Variants in NUP133 observed in about 807,000 individuals in gnomAD.
NUP133 encodes the protein nuclear pore complex protein Nup133.
Under a neutral mutation model 146.2 loss-of-function variants are expected in NUP133, and 66 were observed. That is an observed-to-expected ratio of 0.45 (90% CI 0.37 to 0.55). NUP133 has a LOEUF of 0.55. NUP133 is among the 20% of genes least tolerant of loss of function. The probability of loss-of-function intolerance (pLI) is 0.00; values close to 1 mark genes in which losing one functional copy is unlikely to be tolerated. For synonymous variants in NUP133, 521 were observed against 498.8 expected, an observed-to-expected ratio of 1.04 and a Z score of -0.59; for missense variants, 1,277 against 1,374.8, an observed-to-expected ratio of 0.93 and a Z score of 1.12.
At chr1:229,485,374 CT>C (rs1661322915) in intron 11 of NUP133, among the ~76,000 whole-genome samples, 1 of 152,100 alleles carries the variant, frequency 6.6e-6, no homozygotes, top group South Asian at 2.1e-4. Flanking sequence ...GGAGACTTGA[CT>C]TTGGGAAAAA....
rs960170005 is a variant in NUP133, at chr1:229,440,558, G to T, written c.*1346C>A. On this transcript the variant is annotated 3_prime_UTR_variant, in exon 26 of 26. Transcript: ENST00000261396. ...TGTGTCTCGCAGCACATTATCACCC[G>T]ACAGGGTCCTACAGGTGAGACGTGA... The T allele has an allele frequency of 6.6e-6, 1 of 152,392 alleles. No individual in the cohort carries two copies. Among genetic ancestry groups the T allele is most frequent in the Non-Finnish European group, 1.5e-5 (1 of 68,102 alleles). 9.4% of individuals were successfully genotyped at this position (152,392 alleles called of 1,614,324 possible). A position where few individuals can be genotyped will look rare whatever the true frequency, so the allele number is the denominator to read the frequency against.
intron 15 of NUP133, among the ~76,000 whole-genome samples, chr1:229,467,038 G>T (rs149060957): frequency 2.0e-5 from 3 of 152,144 alleles, no homozygotes; most frequent in African/African-American, 7.2e-5. Flanking sequence ...TCTGCTCAGT[G>T]CATCTTTAAA....
At position 229,477,668 on chromosome 1, in the gene NUP133, G is replaced by C; in HGVS notation, c.1685C>G (p.Thr562Ser). The C allele has an allele frequency of 4.3e-6, 7 of 1,614,048 alleles. No homozygotes were observed. The highest frequency in any genetic ancestry group is 5.9e-6 in the Non-Finnish European group (7 of 1,179,990). Residue 562 changes from threonine (T) to serine (S), a missense_variant, in exon 13 of 26, where the codon ACC (threonine) becomes AGC (serine). Physicochemically the swap from Thr to Ser is moderately conservative, Grantham distance 58. This residue lies in a region of NUP133 where 952 missense variants were observed against 1,047.0 expected (regional missense o/e 0.91). Transcript: ENST00000261396. ...DSDSELDRAV[T>S]QISVDLMDDY... The stretch of plus-strand genomic sequence containing the variant: ...ATCCATCAGGTCTACACTGATTTGG[G>C]TAACTGCCCTGTCTAGTTCAGAATC...
chr1:229,491,486 T>C (rs1661513580), intron 8 of NUP133, among the ~76,000 whole-genome samples: 1 of 151,920 alleles, frequency 6.6e-6, no homozygotes, highest in African/African-American at 2.4e-5. Flanking sequence ...ATCTCTAAAA[T>C]AAATTTAAAA....
Position 229,463,615 on chromosome 1 carries a change from T to C in NUP133, c.2613A>G (p.Ile871Met), listed in dbSNP as rs138312761. The change falls in exon 19 of 26, where the codon ATA (isoleucine) becomes ATG (methionine). Residue 871 changes from isoleucine to methionine, a missense_variant. Ile to Met is a conservative substitution (Grantham distance 10). Transcript: ENST00000261396. ...SLAEKYCDFD[I>M]LVQMCEQTDN... ...CAGTCTGCTCACACATTTGTACCAA[T>C]ATATCAAAGTCACAGTATTTCTCTG... The C allele has an allele frequency of 8.7e-6, 14 of 1,613,954 alleles. No homozygotes were observed. Among genetic ancestry groups the C allele is most frequent in the South Asian group, 5.5e-5 (5 of 91,062 alleles).
chr1:229,507,280 A>T (rs1330469460), intron 1 of NUP133, among the ~76,000 whole-genome samples: 1 of 152,242 alleles, frequency 6.6e-6, no homozygotes, highest in Non-Finnish European at 1.5e-5. Flanking sequence ...TAAAGTACTG[A>T]AAAATTTTAC....
chr1:229,489,827 G>A, intron 9 of NUP133, 128 bp downstream of exon 9: 1 of 747,286 alleles, frequency 1.3e-6, no homozygotes, highest in Non-Finnish European at 2.0e-6. Flanking sequence ...AGTGAGCTGA[G>A]ATCAAGCCAC....
chr1:229,491,548 G>A (rs556796843), intron 8 of NUP133, among the ~76,000 whole-genome samples: 3 of 152,286 alleles, frequency 2.0e-5, no homozygotes, highest in African/African-American at 7.2e-5. Context: ...GGAGGCCGAG[G>A]TGGGCATATC....
chr1:229,495,567 T>C lies in NUP133; in HGVS notation c.976-2A>G, dbSNP rs1360538190. Reference sequence around the variant, plus strand: ...AGCTTCATAGTTACTTTCAGATCCCTACATGAAAATATCAATAATGTAAGC... The same window carrying C: ...AGCTTCATAGTTACTTTCAGATCCCCACATGAAAATATCAATAATGTAAGC... On this transcript the variant is annotated splice_acceptor_variant, in intron 7 of 25. Coordinates refer to ENST00000261396, the MANE Select transcript of NUP133 (RefSeq NM_018230.3). LOFTEE classifies it high-confidence loss of function. 6.3e-7 allele frequency: 1 copy of C among 1,588,306 alleles called. No individual in the cohort carries two copies. Among genetic ancestry groups the C allele is most frequent in the Admixed American group, 1.7e-5 (1 of 59,894 alleles).
At chr1:229,482,028 C>A (rs1223685389) in intron 12 of NUP133, among the ~76,000 whole-genome samples, 2 of 152,176 alleles carry the variant, frequency 1.3e-5, no homozygotes, top group African/African-American at 4.8e-5. Flanking sequence ...ACAAATGTGA[C>A]AGAATTTTAA....
intron 2 of NUP133, among the ~76,000 whole-genome samples, chr1:229,503,205 G>A: frequency 6.6e-6 from 1 of 152,040 alleles, no homozygotes; most frequent in South Asian, 2.1e-4. Context: ...TTGAACCTGG[G>A]AGGCAGAGGT....
At position 229,478,313 on chromosome 1, in the gene NUP133, G is replaced by A. The variant is rs144030484; in HGVS notation, c.1593-553C>T. Among the ~76,000 whole-genome samples, 7 of 151,952 alleles carry A rather than the reference G, an allele frequency of 4.6e-5. No homozygotes were observed. In the East Asian group the frequency reaches 7.7e-4, roughly 17 times the overall value. Reference sequence around the variant, plus strand: ...CACATTGAATACTTAGAACATGCTCGGCTCTGGACACAGAAAGATAAAAAG... The same window carrying A: ...CACATTGAATACTTAGAACATGCTCAGCTCTGGACACAGAAAGATAAAAAG... On this transcript the variant is annotated intron_variant, in intron 12 of 25. Coordinates refer to ENST00000261396, the MANE Select transcript of NUP133 (RefSeq NM_018230.3).
intron 8 of NUP133, among the ~76,000 whole-genome samples, chr1:229,492,899 C>T (rs1187666887): frequency 1.3e-5 from 2 of 151,314 alleles, no homozygotes; most frequent in Non-Finnish European, 2.9e-5. Flanking sequence ...ACCTGTACCC[C>T]AAAAACCATT....
intron 17 of NUP133, 27 bp downstream of exon 17, chr1:229,465,393 A>G: frequency 1.3e-6 from 2 of 1,487,120 alleles, no homozygotes; most frequent in South Asian, 2.3e-5. Flanking sequence ...TATATTTTGA[A>G]CAACTGTTAA....
At chr1:229,471,946 T>A (rs116165616) in intron 14 of NUP133, among the ~76,000 whole-genome samples, 2 of 152,330 alleles carry the variant, frequency 1.3e-5, no homozygotes, top group African/African-American at 2.4e-5. Context: ...GTATTTAACC[T>A]GTTCACCTTA....
intron 25 of NUP133, among the ~76,000 whole-genome samples, chr1:229,443,034 T>C (rs1194745363): frequency 6.6e-6 from 1 of 152,018 alleles, no homozygotes; most frequent in Non-Finnish European, 1.5e-5. Flanking sequence ...TTGTAGTTTT[T>C]ATTTTTTATT....
rs1163788676 is a variant in NUP133 at position 229,452,510 on chromosome 1, T to C, written c.3099+15A>G. 3 of 1,592,984 alleles carry C rather than the reference T, an allele frequency of 1.9e-6. No individual in the cohort carries two copies. The highest frequency in any genetic ancestry group is 3.4e-5 in the Admixed American group (2 of 59,226). On this transcript the variant is annotated intron_variant, in intron 22 of 25. Transcript: ENST00000261396. ...GAGTTTAAGAAATAGCGTTAAGGAT[T>C]TGAAAAGCACATACACCAATGAGTT...
Position 229,499,706 on chromosome 1 carries a change from T to C in NUP133, c.626A>G (p.Tyr209Cys), listed in dbSNP as rs1360747273. 1 of 1,613,836 alleles carries C rather than the reference T, an allele frequency of 6.2e-7. No homozygotes were observed. ...TACCTGCACTGCTGTTAGGAAACTG[T>C]AAGTCTTATCACCTCCCGAATCTAC... is the stretch of plus-strand genomic sequence containing the variant. The part of the protein sequence containing the change: ...AFVDSGGDKT[Y>C]SFLTAVQGGS... Residue 209 changes from tyrosine to cysteine, a missense_variant, in exon 5 of 26, where the codon TAC becomes TGC. Transcript: ENST00000261396.
intron 20 of NUP133, among the ~76,000 whole-genome samples, chr1:229,458,713 T>C (rs904010123): frequency 2.3e-5 from 3 of 132,504 alleles, no homozygotes; most frequent in African/African-American, 1.0e-4. Flanking sequence ...TGGACTACAT[T>C]TTTTTTTTTT....
Sources: allele counts gnomAD v4.1 joint callset (sites outside exome capture counted in the v4.1 genomes callset), GRCh38; gene constraint gnomAD v4.1.1; regional missense constraint gnomAD v4.1.1; transcripts MANE v1.5; gene names NCBI Gene and HGNC (gene_info 2026-07-23, HGNC 2026-07-21).